C4orf50: variants seen among roughly 807,000 people sequenced by gnomAD.
The protein encoded by C4orf50 is chromosome 4 open reading frame 50, also known as uncharacterized protein C4orf50.
Under a neutral mutation model 77.2 loss-of-function variants are expected in C4orf50, and 80 were observed. The observed-to-expected ratio is 1.04, with a 90% CI of 0.87 to 1.25. The LOEUF is 1.25. C4orf50 is among the 50% of genes most tolerant of loss of function. The pLI, the probability that C4orf50 is intolerant of heterozygous loss-of-function variation, is 0.00. For missense variants in C4orf50, 1,257 were observed against 1,152.9 expected (o/e 1.09, Z -1.31); for synonymous variants, 532 against 465.3 (o/e 1.14, Z -1.84).
chr4:5,933,038 C>T (rs1717835190), intron 7 of C4orf50, among the ~76,000 whole-genome samples: 1 of 152,156 alleles, frequency 6.6e-6, no homozygotes, highest in Non-Finnish European at 1.5e-5. Context: ...TTGCTCCCAG[C>T]ACCAGGGATC....
At chr4:6,005,664 A>G (rs1722219485) in intron 25 of C4orf50, among the ~76,000 whole-genome samples, 1 of 152,182 alleles carries the variant, frequency 6.6e-6, no homozygotes, top group Non-Finnish European at 1.5e-5. Context: ...TCAGTGGGTA[A>G]ACAGCACCTG....
At chr4:5,950,704 AC>A (rs34336375) in intron 7 of C4orf50, among the ~76,000 whole-genome samples, 110,544 of 151,926 alleles carry the variant, frequency 0.73, 42,196 homozygotes, top group African/African-American at 0.93. Flanking sequence ...CACTGTCTCC[AC>A]CCCCGTTTTT....
chr4:5,911,270 C>A (rs1370506223), intron 7 of C4orf50, among the ~76,000 whole-genome samples: 2 of 152,104 alleles, frequency 1.3e-5, no homozygotes, highest in African/African-American at 4.8e-5. Context: ...AACCAGAACC[C>A]CCACATCGAG....
rs199690104 is a variant in C4orf50 at position 5,986,538 on chromosome 4, A to AT, written c.3699+1808dup. Among the ~76,000 whole-genome samples the AT allele has an allele frequency of 8.0e-3, 1,093 of 136,182 alleles. 8 individuals carry two copies. Among genetic ancestry groups the AT allele is most frequent in the Middle Eastern group, 0.019 (5 of 262 alleles). 89.3% of individuals were successfully genotyped at this position (136,182 alleles called of 152,430 possible). ...CAACAGGGCTAGCTATAACAACGTC[A>AT]TTTTTTTTTTTTTTTTTTGAGACAG... On this transcript the variant is annotated intron_variant, in intron 28 of 33. Transcript: ENST00000531445.
At chr4:5,997,429 C>T (rs898368678) in intron 25 of C4orf50, among the ~76,000 whole-genome samples, 2 of 152,180 alleles carry the variant, frequency 1.3e-5, no homozygotes, top group African/African-American at 4.8e-5. Flanking sequence ...CTAGTTTACC[C>T]CTTCATGTCA....
Position 5,967,407 on chromosome 4 carries a change from C to T in C4orf50, c.4153+7G>A, listed in dbSNP as rs1462010191. 1.2e-6 allele frequency: 2 copies of T among 1,612,406 alleles called. No homozygotes were observed. The highest frequency in any genetic ancestry group is 2.2e-5 in the East Asian group (1 of 44,890). ...ACAGGCTTTTCCTGATCAAAAATCA[C>T]ACTGACCTCTTAAAGCTGCCGTCAT... On this transcript the variant is annotated splice_region_variant and intron_variant, in intron 32 of 33. Coordinates refer to ENST00000531445, the Ensembl canonical transcript of C4orf50.
At chr4:5,934,242 G>A (rs545282806) in intron 7 of C4orf50, among the ~76,000 whole-genome samples, 3 of 152,040 alleles carry the variant, frequency 2.0e-5, no homozygotes, top group African/African-American at 4.8e-5. Flanking sequence ...CAGGAGTCAC[G>A]GCTGCTCTGA....
At chr4:5,997,116 G>A (rs6821228) in intron 25 of C4orf50, among the ~76,000 whole-genome samples, 115 of 152,312 alleles carry the variant, frequency 7.6e-4, no homozygotes, top group African/African-American at 2.6e-3. Context: ...GAGAGAAGTC[G>A]AAGGAAGAGG....
intron 7 of C4orf50, among the ~76,000 whole-genome samples, chr4:5,927,707 T>G (rs1214590912): frequency 6.6e-6 from 1 of 152,120 alleles, no homozygotes; most frequent in Non-Finnish European, 1.5e-5. Flanking sequence ...CTGCCATGAT[T>G]GTAAGTTTCC....
chr4:5,930,009 T>A (rs1289977817), intron 7 of C4orf50, among the ~76,000 whole-genome samples: 1 of 152,212 alleles, frequency 6.6e-6, no homozygotes, highest in African/African-American at 2.4e-5. Flanking sequence ...GCCTTTAAAT[T>A]GTGCGCCTGT....
chr4:5,970,567 C>T lies in C4orf50; in HGVS notation c.4104+3092G>A, dbSNP rs912319398. On this transcript the variant is annotated intron_variant, in intron 31 of 33. Transcript: ENST00000531445. This position sits in a 1 kb window ranked among gnomAD's most constrained non-coding sequence, Gnocchi z 4.3. ...ACAGCGGTGCTGGGACCCGTGGCCC[C>T]CAGCCCAACACCACATGCCTGCAGA... 1.3e-5 allele frequency among the ~76,000 whole-genome samples: 2 copies of T among 152,300 alleles called. No homozygotes were observed. Among genetic ancestry groups the T allele is most frequent in the East Asian group, 1.9e-4 (1 of 5,158 alleles).
intron 29 of C4orf50, 86 bp from the exon 8 acceptor site, chr4:5,976,041 G>T: frequency 9.1e-7 from 1 of 1,095,326 alleles, no homozygotes. Context: ...GCTCAGAACA[G>T]CTGGCAGTTG....
exon 28 of C4orf50, chr4:5,988,863 C>T (rs747268496): frequency 2.5e-5 from 38 of 1,535,930 alleles, no homozygotes; most frequent in East Asian, 4.9e-5. Context: ...CGCCAAGCTC[C>T]GAGATCAGTG....
exon 34 of C4orf50, chr4:5,957,144 T>G (rs2108760278): frequency 6.6e-6 from 1 of 152,340 alleles, no homozygotes; most frequent in East Asian, 1.9e-4. Context: ...AGGGAATCGT[T>G]GGGTTACGCT....
intron 25 of C4orf50, among the ~76,000 whole-genome samples, chr4:6,004,233 T>C (rs1722082871): frequency 7.1e-5 from 2 of 28,216 alleles, no homozygotes; most frequent in African/African-American, 2.6e-4. Context: ...GATGTGATGG[T>C]GATGATGATG....
At chr4:5,950,126 T>C (rs1481908386) in intron 7 of C4orf50, among the ~76,000 whole-genome samples, 1 of 152,200 alleles carries the variant, frequency 6.6e-6, no homozygotes, top group Non-Finnish European at 1.5e-5. Flanking sequence ...CACCAACCTA[T>C]ACGTTCTGTA....
At chr4:6,001,563 G>A (rs1358289036) in intron 25 of C4orf50, among the ~76,000 whole-genome samples, 1 of 152,130 alleles carries the variant, frequency 6.6e-6, no homozygotes, top group African/African-American at 2.4e-5. Context: ...TGTCCTAAAC[G>A]AGCCAAGAAG....
chr4:5,919,947 A>G lies in C4orf50; in HGVS notation c.*2475-21759T>C, dbSNP rs1349001761. On this transcript the variant is annotated intron_variant, in intron 7 of 7. Transcript: ENST00000324058. The surrounding 1 kb of genome is among the most constrained non-coding windows in gnomAD (Gnocchi z 6.5). ...AAAACTTAGTCTGTGTTCAACACGC[A>G]CAGACTTTTCTTGTCATCATTCCCT... Among the ~76,000 whole-genome samples the G allele has an allele frequency of 6.6e-6, 1 of 152,228 alleles. No individual in the cohort carries two copies. Among genetic ancestry groups the G allele is most frequent in the Non-Finnish European group, 1.5e-5 (1 of 68,034 alleles).
chr4:5,996,260 C>G (rs6446432), intron 25 of C4orf50, among the ~76,000 whole-genome samples: 28,030 of 152,018 alleles, frequency 0.18, 2,775 homozygotes, highest in African/African-American at 0.22. Context: ...GGGCCTGGAT[C>G]GCTTGCCTGC....
Sources: allele counts gnomAD v4.1 joint callset (sites outside exome capture counted in the v4.1 genomes callset), GRCh38; gene constraint gnomAD v4.1.1; non-coding constraint Gnocchi (gnomAD v3.1); transcripts MANE v1.5; gene names NCBI Gene and HGNC (gene_info 2026-07-23, HGNC 2026-07-21).